Variants in CFAP61 observed in about 807,000 individuals in gnomAD.
The protein encoded by CFAP61 is cilia- and flagella-associated protein 61.
Under a neutral mutation model 135.6 loss-of-function variants are expected in CFAP61, and 107 were observed. The observed-to-expected ratio is 0.79, with a 90% CI of 0.67 to 0.93. The LOEUF is 0.93. CFAP61 is among the 40% of genes least tolerant of loss of function. CFAP61 has a pLI of 0.00. For missense variants in CFAP61, 1,507 were observed against 1,556.2 expected, an observed-to-expected ratio of 0.97 and a Z score of 0.53; for synonymous variants, 575 against 578.5, an observed-to-expected ratio of 0.99 and a Z score of 0.09.
At chr20:20,227,979 G>A (rs561480327) in intron 17 of CFAP61, among the ~76,000 whole-genome samples, 1 of 152,188 alleles carries the variant, frequency 6.6e-6, no homozygotes, top group African/African-American at 2.4e-5. Flanking sequence ...TCTCAGTTCT[G>A]TATGAAACAT....
intron 23 of CFAP61, among the ~76,000 whole-genome samples, chr20:20,290,021 C>T (rs1355332895): frequency 1.3e-5 from 2 of 152,144 alleles, no homozygotes; most frequent in Admixed American, 1.3e-4. Flanking sequence ...GGTTAAAGGG[C>T]GGGGAGCTCC....
intron 6 of CFAP61, among the ~76,000 whole-genome samples, chr20:20,082,049 G>A (rs2046467449): frequency 6.6e-6 from 1 of 152,182 alleles, no homozygotes; most frequent in East Asian, 1.9e-4. Flanking sequence ...CATGTATCTG[G>A]AGATTGCAGT....
intron 8 of CFAP61, among the ~76,000 whole-genome samples, chr20:20,099,025 C>T (rs912074215): frequency 2.0e-5 from 3 of 152,060 alleles, no homozygotes; most frequent in African/African-American, 7.2e-5. Flanking sequence ...ACATAGTGGA[C>T]TTGGGGCCTT....
At chr20:20,154,521 A>G (rs547932314) in intron 9 of CFAP61, among the ~76,000 whole-genome samples, 15 of 152,170 alleles carry the variant, frequency 9.9e-5, no homozygotes, top group Admixed American at 2.6e-4. Flanking sequence ...TACAAAATCA[A>G]TGTATACAAA....
intron 23 of CFAP61, among the ~76,000 whole-genome samples, chr20:20,289,799 T>A (rs1163605733): frequency 6.6e-6 from 1 of 152,258 alleles, no homozygotes; most frequent in Non-Finnish European, 1.5e-5. Context: ...AAGCCAGAGC[T>A]GGCACAGGCC....
chr20:20,325,406 C>G (rs1342780222), intron 25 of CFAP61, among the ~76,000 whole-genome samples: 1 of 152,212 alleles, frequency 6.6e-6, no homozygotes, highest in Non-Finnish European at 1.5e-5. Context: ...CCTGCCTCCC[C>G]CACAAGCTTC....
intron 25 of CFAP61, among the ~76,000 whole-genome samples, chr20:20,317,905 A>G (rs1283650343): frequency 6.6e-6 from 1 of 152,232 alleles, no homozygotes; most frequent in Non-Finnish European, 1.5e-5. Flanking sequence ...GGCAGGCTTA[A>G]TGATTAGTTC....
intron 21 of CFAP61, among the ~76,000 whole-genome samples, chr20:20,275,683 T>G (rs2053698960): frequency 6.6e-6 from 1 of 152,204 alleles, no homozygotes; most frequent in Admixed American, 6.5e-5. Context: ...TAAACACACT[T>G]AAATTCGTTC....
intron 18 of CFAP61, among the ~76,000 whole-genome samples, chr20:20,231,846 CTG>C (rs1175451376): frequency 6.6e-6 from 1 of 152,146 alleles, no homozygotes; most frequent in Non-Finnish European, 1.5e-5. Flanking sequence ...GATCTTAAGA[CTG>C]TGTGTTCTTC....
intron 10 of CFAP61, among the ~76,000 whole-genome samples, chr20:20,162,493 G>A (rs1187237114): frequency 2.0e-5 from 3 of 152,152 alleles, no homozygotes; most frequent in Non-Finnish European, 4.4e-5. Flanking sequence ...ATCACCCCAT[G>A]AAGTGCCCCA....
At chr20:20,332,223 G>A (rs1413575638) in intron 25 of CFAP61, among the ~76,000 whole-genome samples, 2 of 152,222 alleles carry the variant, frequency 1.3e-5, no homozygotes, top group East Asian at 3.8e-4. Flanking sequence ...ATGGCAAAGT[G>A]TGTGAATGAC....
intron 25 of CFAP61, among the ~76,000 whole-genome samples, chr20:20,338,295 G>A (rs1015191064): frequency 2.0e-5 from 3 of 152,194 alleles, no homozygotes; most frequent in Non-Finnish European, 2.9e-5. Context: ...GAAACCCGCA[G>A]GCCTCCCTGG....
chr20:20,277,812 A>G (rs560987816), intron 22 of CFAP61, among the ~76,000 whole-genome samples: 1 of 152,162 alleles, frequency 6.6e-6, no homozygotes, highest in African/African-American at 2.4e-5. Context: ...AGTCACTCAC[A>G]TGTCTGGCTG....
intron 8 of CFAP61, among the ~76,000 whole-genome samples, chr20:20,106,089 G>A (rs2048390663): frequency 7.5e-6 from 1 of 133,144 alleles, no homozygotes; most frequent in Admixed American, 8.1e-5. Context: ...TAATTCTAAA[G>A]CTTTGCAAGA....
At chr20:20,356,104 A>G (rs2059137213) in intron 26 of CFAP61, among the ~76,000 whole-genome samples, 1 of 19,888 alleles carries the variant, frequency 5.0e-5, no homozygotes, top group Non-Finnish European at 2.0e-4. Context: ...CTGTGAGGGG[A>G]GGTGGTCACA....
chr20:20,059,326 CAAAAAAAAAAA>C (rs11458923), intron 2 of CFAP61, among the ~76,000 whole-genome samples: 3 of 45,484 alleles, frequency 6.6e-5, no homozygotes, highest in African/African-American at 2.5e-4. Flanking sequence ...GACTCTGTCT[CAAAAAAAAAAA>C]AAAAAAAAAA....
intron 1 of CFAP61, chr20:20,052,908 G>T (rs2043868474): frequency 1.8e-6 from 1 of 554,692 alleles, no homozygotes; most frequent in Admixed American, 3.8e-5. Flanking sequence ...TTTCGGGACA[G>T]TTGTGCCCAA....
intron 9 of CFAP61, among the ~76,000 whole-genome samples, chr20:20,152,176 G>A (rs954164203): frequency 4.6e-5 from 7 of 152,066 alleles, no homozygotes; most frequent in Non-Finnish European, 5.9e-5. Context: ...AAGAGAATTT[G>A]CCACTACCAA....
intron 3 of CFAP61, among the ~76,000 whole-genome samples, chr20:20,073,480 G>T (rs1390641883): frequency 2.6e-5 from 4 of 152,148 alleles, no homozygotes; most frequent in Non-Finnish European, 5.9e-5. Context: ...CAAAAAACAA[G>T]AAACCTAGGC....
Sources: allele counts gnomAD v4.1 joint callset (sites outside exome capture counted in the v4.1 genomes callset), GRCh38; gene constraint gnomAD v4.1.1; transcripts MANE v1.5; gene names NCBI Gene and HGNC (gene_info 2026-07-23, HGNC 2026-07-21).